HCN1: variants seen among roughly 807,000 people sequenced by gnomAD.
The protein encoded by HCN1 is potassium/sodium hyperpolarization-activated cyclic nucleotide-gated channel 1.
In HCN1, 13 loss-of-function variants were observed where a neutral mutation model predicts 78.9. That is an observed-to-expected ratio of 0.16 (90% confidence interval 0.11 to 0.26). HCN1 has a LOEUF of 0.26. Among genes scored for constraint, HCN1 ranks in the 10% least tolerant of loss-of-function variants. The pLI, the probability that HCN1 is intolerant of heterozygous loss-of-function variation, is 1.00. For synonymous variants in HCN1, 552 were observed against 455.5 expected (o/e 1.21, Z -2.70); for missense variants, 810 against 1,154.3 (o/e 0.70, Z 4.32).
intron 3 of HCN1, among the ~76,000 whole-genome samples, chr5:45,432,090 C>T (rs1488967550): frequency 1.3e-5 from 2 of 151,952 alleles, no homozygotes; most frequent in African/African-American, 2.4e-5. Flanking sequence ...TTCCATTTGT[C>T]GCTGTCATCT....
rs1446463368 is a variant in HCN1 at position 45,260,522 on chromosome 5, G to A, written c.*1399C>T. ...GACAAACCTCCTATCTAAGGGCTACGTTAGTCACCACATGCCTTAAAGTTT... is the reference window on the plus strand; with the variant it reads ...GACAAACCTCCTATCTAAGGGCTACATTAGTCACCACATGCCTTAAAGTTT... On this transcript the variant is annotated 3_prime_UTR_variant, in exon 8 of 8. Transcript: ENST00000303230. 2.0e-5 allele frequency: 3 copies of A among 152,226 alleles called. No individual in the cohort carries two copies. Among genetic ancestry groups the A allele is most frequent in the African/African-American group, 2.4e-5 (1 of 41,418 alleles). 9.4% of individuals were successfully genotyped at this position (152,226 alleles called of 1,614,324 possible).
At chr5:45,458,141 C>T (rs1264070789) in intron 3 of HCN1, among the ~76,000 whole-genome samples, 1 of 151,986 alleles carries the variant, frequency 6.6e-6, no homozygotes, top group Non-Finnish European at 1.5e-5. Context: ...ATCAACACTA[C>T]AGTTACAGAT....
chr5:45,375,925 T>G (rs1747636427), intron 4 of HCN1, among the ~76,000 whole-genome samples: 1 of 122,514 alleles, frequency 8.2e-6, no homozygotes. Flanking sequence ...ATATATTATA[T>G]ATGATATAAT....
intron 5 of HCN1, among the ~76,000 whole-genome samples, chr5:45,346,281 C>T (rs1406449702): frequency 6.6e-6 from 1 of 152,130 alleles, no homozygotes. Context: ...GAAGCTAAGA[C>T]CAAACCATAA....
chr5:45,657,097 C>G (rs923092572), intron 1 of HCN1, among the ~76,000 whole-genome samples: 1 of 151,956 alleles, frequency 6.6e-6, no homozygotes, highest in African/African-American at 2.4e-5. Context: ...TAACAAATAT[C>G]GAGGGTGTGT....
chr5:45,551,392 T>C (rs1168546976), intron 2 of HCN1, among the ~76,000 whole-genome samples: 1 of 151,786 alleles, frequency 6.6e-6, no homozygotes, highest in East Asian at 1.9e-4. Flanking sequence ...TTTTTTTTTT[T>C]AGTTACATGT....
intron 1 of HCN1, among the ~76,000 whole-genome samples, chr5:45,646,919 T>A (rs1445138544): frequency 1.3e-5 from 2 of 152,164 alleles, no homozygotes; most frequent in Non-Finnish European, 2.9e-5. Context: ...GATAAAAATG[T>A]CTGTTTACCA....
intron 5 of HCN1, among the ~76,000 whole-genome samples, chr5:45,309,290 C>T (rs555657532): frequency 1.3e-5 from 2 of 152,078 alleles, no homozygotes; most frequent in Non-Finnish European, 2.9e-5. Flanking sequence ...GTTTTCTAGA[C>T]ATGGGATCCT....
intron 2 of HCN1, among the ~76,000 whole-genome samples, chr5:45,618,423 T>C (rs1744996156): frequency 6.6e-6 from 1 of 152,132 alleles, no homozygotes; most frequent in Non-Finnish European, 1.5e-5. Flanking sequence ...ATGCTTTGTA[T>C]GATATTTTAA....
chr5:45,526,834 G>T (rs1332821939), intron 2 of HCN1, among the ~76,000 whole-genome samples: 1 of 151,952 alleles, frequency 6.6e-6, no homozygotes, highest in African/African-American at 2.4e-5. Context: ...TCTGAGCCAA[G>T]CTACCATGCT....
intron 1 of HCN1, among the ~76,000 whole-genome samples, chr5:45,673,270 A>G (rs556816664): frequency 2.3e-4 from 35 of 151,598 alleles, no homozygotes; most frequent in Admixed American, 5.9e-4. Flanking sequence ...AAGTGTATAT[A>G]CTATCAACAT....
intron 3 of HCN1, among the ~76,000 whole-genome samples, chr5:45,406,532 A>G (rs989701105): frequency 1.3e-5 from 2 of 152,164 alleles, no homozygotes; most frequent in African/African-American, 4.8e-5. Flanking sequence ...GTAGGTGCCA[A>G]ATCTGGAATT....
chr5:45,460,788 G>A (rs1424275043), intron 3 of HCN1, among the ~76,000 whole-genome samples: 1 of 150,438 alleles, frequency 6.6e-6, no homozygotes, highest in Admixed American at 6.6e-5. Context: ...AACTGTCAAT[G>A]TAAATCGCCT....
At chr5:45,484,695 T>C (rs1307584426) in intron 2 of HCN1, among the ~76,000 whole-genome samples, 1 of 152,186 alleles carries the variant, frequency 6.6e-6, no homozygotes, top group African/African-American at 2.4e-5. Context: ...ACATAACCCC[T>C]GGACTCTAGA....
At chr5:45,487,378 T>C (rs1212047270) in intron 2 of HCN1, among the ~76,000 whole-genome samples, 4 of 152,126 alleles carry the variant, frequency 2.6e-5, no homozygotes, top group Admixed American at 6.6e-5. Flanking sequence ...TCTTGTTCAA[T>C]ATAAAGTATA....
rs1744745413 is a variant in HCN1 at position 45,261,955 on chromosome 5, T to G, written c.2639A>C (p.Asp880Ala). ...TGAAGCAAATCGTGGCTTTTCTGCG[T>G]CTGGGTCTGTGTTTAAGACTGAGGA... is the stretch of plus-strand genomic sequence containing the variant. ...ESSSVLNTDP[D>A]AEKPRFASNL Residue 880 changes from aspartate to alanine, a missense_variant, in exon 8 of 8, where the codon GAC becomes GCC. Asp to Ala is a moderately radical substitution (Grantham distance 126). Around this residue, in one of 6 missense-constraint regions of HCN1, gnomAD observed 398 missense variants for 381.3 expected, o/e 1.04. Coordinates refer to ENST00000303230, the MANE Select transcript of HCN1 (RefSeq NM_021072.4). The G allele has an allele frequency of 6.2e-7, 1 of 1,614,128 alleles. No homozygotes were observed.
chr5:45,412,571 G>A (rs75050976), intron 3 of HCN1, among the ~76,000 whole-genome samples: 2,403 of 152,164 alleles, frequency 0.016, 64 homozygotes, highest in African/African-American at 0.055. Context: ...CTTCTGAGAG[G>A]CTTGAAATTA....
chr5:45,650,131 TTAAAATC>T (rs1451773731), intron 1 of HCN1, among the ~76,000 whole-genome samples: 1 of 152,098 alleles, frequency 6.6e-6, no homozygotes, highest in Non-Finnish European at 1.5e-5. Context: ...CAGACCAGAG[TTAAAATC>T]CTAGCTCCAC....
intron 5 of HCN1, among the ~76,000 whole-genome samples, chr5:45,315,052 C>T (rs944870234): frequency 3.3e-5 from 5 of 152,124 alleles, no homozygotes; most frequent in African/African-American, 4.8e-5. Context: ...CTCAGCTCTG[C>T]ACCAAGCGGA....
Sources: gnomAD v4.1 joint callset for allele counts (sites outside exome capture counted in the v4.1 genomes callset) on GRCh38, gnomAD v4.1.1 for gene constraint, gnomAD v4.1.1 regional missense constraint, MANE v1.5 for transcripts, NCBI Gene and HGNC (gene_info 2026-07-23, HGNC 2026-07-21) for gene names.